Variants in VWA8 observed in about 807,000 individuals in gnomAD.
VWA8 encodes the protein von Willebrand factor A domain containing 8.
In VWA8, 221 loss-of-function variants were observed where a neutral mutation model predicts 241.5. The observed-to-expected ratio is 0.91, with a 90% CI of 0.82 to 1.02. VWA8 has a LOEUF of 1.02. Ranked by LOEUF, VWA8 falls within the 50% of genes least tolerant of loss-of-function variation. VWA8 has a pLI of 0.00. For synonymous variants in VWA8, 852 were observed against 827.1 expected, an observed-to-expected ratio of 1.03 and a Z score of -0.52; for missense variants, 2,322 against 2,328.7, an observed-to-expected ratio of 1.00 and a Z score of 0.06.
At position 41,690,986 on chromosome 13, in the gene VWA8, C is replaced by T. The variant is rs552651774; in HGVS notation, c.3866+334G>A. Among the ~76,000 whole-genome samples the T allele has an allele frequency of 3.9e-5, 6 of 152,222 alleles. No homozygotes were observed. In the East Asian group the frequency reaches 1.2e-3, roughly 29 times the overall value. ...AACAGCTCTAGGATAGAGACTGTGG[C>T]TCTTTGAAGGGAAAATCTACTTTGA... On this transcript the variant is annotated intron_variant, in intron 32 of 44. Coordinates refer to ENST00000379310, the MANE Select transcript of VWA8 (RefSeq NM_015058.2).
intron 17 of VWA8, among the ~76,000 whole-genome samples, chr13:41,793,688 C>A (rs1460514913): frequency 2.0e-5 from 3 of 152,076 alleles, no homozygotes; most frequent in African/African-American, 7.2e-5. Context: ...TGGTGGTGCA[C>A]GCCTGTAGCT....
In VWA8 at chr13:41,587,580, G is replaced by C. The variant is rs2139645287; in HGVS notation, c.5203C>G (p.Leu1735Val). The C allele has an allele frequency of 6.2e-7, 1 of 1,614,134 alleles. No homozygotes were observed. The highest frequency in any genetic ancestry group is 2.2e-5 in the East Asian group (1 of 44,878). Reference protein sequence around the residue: ...MYRFNRMDGRLERTMEAVCMV... With the variant: ...MYRFNRMDGRVERTMEAVCMV... ...CACACAGCCTCCATTGTGCGCTCAA[G>C]CCGGCCATCCATCCTGTTGAAACGG... The change falls in exon 42 of 45, where the codon CTT becomes GTT. Residue 1735 changes from leucine (L) to valine (V), a missense_variant. Physicochemically the swap from Leu to Val is conservative, Grantham distance 32. Transcript: ENST00000379310.
At position 41,950,600 on chromosome 13, in the gene VWA8, C is replaced by T. The variant is rs556822449; in HGVS notation, c.164-587G>A. 3.3e-5 allele frequency among the ~76,000 whole-genome samples: 5 copies of T among 151,702 alleles called. No individual in the cohort carries two copies. The East Asian group carries it at 9.7e-4, about 29-fold the overall frequency. On this transcript the variant is annotated intron_variant, in intron 1 of 44. Transcript: ENST00000379310. ...AGCCAGGATGATCTCGATCTCCTGA[C>T]CTCGTGATCTGCCCGCCTTGGCCTC...
intron 9 of VWA8, 94 bp downstream of exon 9, chr13:41,883,293 A>C: frequency 1.1e-6 from 1 of 940,284 alleles, no homozygotes; most frequent in Admixed American, 2.1e-5. Flanking sequence ...AGAGAAAAAT[A>C]GGAAAGGTGG....
intron 21 of VWA8, among the ~76,000 whole-genome samples, chr13:41,751,260 T>A (rs527569887): frequency 6.6e-6 from 1 of 152,214 alleles, no homozygotes; most frequent in South Asian, 2.1e-4. Context: ...TTTTAAAAAA[T>A]TAAAAAGGGG....
chr13:41,916,251 A>G (rs1015865590), intron 2 of VWA8, among the ~76,000 whole-genome samples: 1 of 152,252 alleles, frequency 6.6e-6, no homozygotes, highest in Non-Finnish European at 1.5e-5. Context: ...TTGGAAATGT[A>G]GTATCATTTG....
intron 43 of VWA8, 40 bp downstream of exon 43, chr13:41,575,700 T>C (rs778160968): frequency 4.1e-6 from 6 of 1,478,100 alleles, no homozygotes; most frequent in Non-Finnish European, 5.6e-6. Flanking sequence ...CCTAACCTGA[T>C]AGAAGCTTTC....
chr13:41,882,402 G>A (rs1414131684), intron 9 of VWA8, among the ~76,000 whole-genome samples: 1 of 152,066 alleles, frequency 6.6e-6, no homozygotes. Context: ...CAGACGGGGT[G>A]GCGGCCAGGC....
chr13:41,737,110 G>A (rs559378599), intron 21 of VWA8, among the ~76,000 whole-genome samples: 17 of 152,166 alleles, frequency 1.1e-4, no homozygotes, highest in African/African-American at 2.9e-4. Flanking sequence ...GATTAAAGGC[G>A]TGAGCCACCA....
chr13:41,642,653 G>C (rs189753611), intron 37 of VWA8, among the ~76,000 whole-genome samples: 2 of 151,924 alleles, frequency 1.3e-5, no homozygotes, highest in Non-Finnish European at 2.9e-5. Flanking sequence ...TTTTGACCAG[G>C]CGTGGTGGCT....
chr13:41,728,664 A>T (rs1039137576), intron 23 of VWA8, among the ~76,000 whole-genome samples: 1 of 151,572 alleles, frequency 6.6e-6, no homozygotes, highest in Admixed American at 6.6e-5. Flanking sequence ...TCAAATTCTA[A>T]TTTTTCACAT....
chr13:41,927,393 C>T (rs1188664587), intron 2 of VWA8: 2 of 495,162 alleles, frequency 4.0e-6, no homozygotes, highest in Admixed American at 4.1e-5. Flanking sequence ...CATCTTTGCA[C>T]ATCTGCAAAA....
At chr13:41,576,758 C>T (rs1002566982) in intron 42 of VWA8, among the ~76,000 whole-genome samples, 7 of 152,218 alleles carry the variant, frequency 4.6e-5, no homozygotes, top group African/African-American at 1.7e-4. Flanking sequence ...ATAAAATATA[C>T]GTTATAATAA....
chr13:41,927,500 C>A (rs746054011), intron 2 of VWA8, among the ~76,000 whole-genome samples: 3 of 151,778 alleles, frequency 2.0e-5, no homozygotes, highest in African/African-American at 2.4e-5. Flanking sequence ...TTAAGAATTT[C>A]TTTTTATTCC....
chr13:41,705,818 T>C (rs1410501449), intron 26 of VWA8, among the ~76,000 whole-genome samples: 3 of 152,182 alleles, frequency 2.0e-5, no homozygotes, highest in Non-Finnish European at 4.4e-5. Flanking sequence ...TTTTATAGTC[T>C]TGCATTGTCT....
At chr13:41,935,433 A>G (rs988904992) in intron 2 of VWA8, among the ~76,000 whole-genome samples, 1 of 152,122 alleles carries the variant, frequency 6.6e-6, no homozygotes, top group Non-Finnish European at 1.5e-5. Flanking sequence ...AATTTCTTAA[A>G]CATAAAGCAT....
At chr13:41,709,680 C>T (rs1300017836) in intron 26 of VWA8, among the ~76,000 whole-genome samples, 1 of 152,084 alleles carries the variant, frequency 6.6e-6, no homozygotes, top group Non-Finnish European at 1.5e-5. Flanking sequence ...ACTGACTCTT[C>T]CCCAGGGCAG....
chr13:41,639,232 T>C (rs1433733457), intron 37 of VWA8, among the ~76,000 whole-genome samples: 1 of 151,806 alleles, frequency 6.6e-6, no homozygotes, highest in Admixed American at 6.6e-5. Flanking sequence ...TTGAGGAGCA[T>C]AACCATCTAT....
intron 17 of VWA8, among the ~76,000 whole-genome samples, chr13:41,795,112 A>G (rs1234042110): frequency 2.0e-5 from 3 of 152,122 alleles, no homozygotes; most frequent in Non-Finnish European, 4.4e-5. Flanking sequence ...CAAGAAAAAA[A>G]CCCACCCCAT....
Sources: gnomAD v4.1 joint callset for allele counts (sites outside exome capture counted in the v4.1 genomes callset) on GRCh38, gnomAD v4.1.1 for gene constraint, MANE v1.5 for transcripts, NCBI Gene and HGNC (gene_info 2026-07-23, HGNC 2026-07-21) for gene names.